The following FSTL5 variants were observed in gnomAD, a reference collection of about 807,000 sequenced individuals.
FSTL5 encodes follistatin-related protein 5.
FSTL5 carries 62 observed loss-of-function variants against 89.1 expected under a neutral mutation model. That is an observed-to-expected ratio of 0.70 (90% CI 0.57 to 0.86). FSTL5 has a LOEUF of 0.86. FSTL5 is among the 40% of genes least tolerant of loss of function. FSTL5 has a pLI of 0.00. For synonymous variants in FSTL5, 383 were observed against 346.2 expected, an observed-to-expected ratio of 1.11 and a Z score of -1.18; for missense variants, 1,057 against 1,001.6, an observed-to-expected ratio of 1.06 and a Z score of -0.75.
intron 3 of FSTL5, among the ~76,000 whole-genome samples, chr4:161,943,884 A>G (rs1473294446): frequency 6.6e-6 from 1 of 151,908 alleles, no homozygotes; most frequent in African/African-American, 2.4e-5. Context: ...CCTGCTCTGT[A>G]AATATATTAT....
intron 1 of FSTL5, among the ~76,000 whole-genome samples, chr4:162,116,485 C>T (rs892718998): frequency 6.6e-6 from 1 of 152,128 alleles, no homozygotes; most frequent in African/African-American, 2.4e-5. Flanking sequence ...CATGCAAGAC[C>T]CCAGAGAAGT....
At chr4:161,705,664 T>G (rs1255163534) in intron 6 of FSTL5, among the ~76,000 whole-genome samples, 4 of 151,954 alleles carry the variant, frequency 2.6e-5, no homozygotes, top group African/African-American at 9.6e-5. Flanking sequence ...TTTCTTAATT[T>G]CAGTTTGCTC....
intron 4 of FSTL5, among the ~76,000 whole-genome samples, chr4:161,824,951 G>A (rs1264026141): frequency 6.6e-6 from 1 of 152,102 alleles, no homozygotes; most frequent in African/African-American, 2.4e-5. Context: ...TGGGGAGAGT[G>A]GGCATTCTTG....
intron 12 of FSTL5, among the ~76,000 whole-genome samples, chr4:161,486,016 C>T (rs1246425313): frequency 5.3e-5 from 8 of 151,728 alleles, no homozygotes; most frequent in Non-Finnish European, 8.8e-5. Flanking sequence ...CGGTGGTGCA[C>T]GCCTGTAATC....
chr4:162,086,502 A>G (rs1730327519), intron 2 of FSTL5, among the ~76,000 whole-genome samples: 1 of 151,938 alleles, frequency 6.6e-6, no homozygotes, highest in Admixed American at 6.6e-5. Flanking sequence ...TGAATATGTC[A>G]TGCACTACCG....
chr4:161,617,449 A>C (rs949203786), intron 7 of FSTL5, among the ~76,000 whole-genome samples: 6 of 152,174 alleles, frequency 3.9e-5, no homozygotes, highest in African/African-American at 1.4e-4. Context: ...ACAAAGATAA[A>C]ATAGAGATAG....
At chr4:161,936,861 AG>A (rs1206885012) in intron 3 of FSTL5, among the ~76,000 whole-genome samples, 4 of 152,134 alleles carry the variant, frequency 2.6e-5, no homozygotes, top group Non-Finnish European at 5.9e-5. Context: ...CTTAGCCATC[AG>A]GCAGATTATT....
intron 8 of FSTL5, among the ~76,000 whole-genome samples, chr4:161,560,539 A>C (rs957412951): frequency 6.6e-6 from 1 of 151,162 alleles, no homozygotes; most frequent in African/African-American, 2.4e-5. Flanking sequence ...CAAATGTACA[A>C]ATTTTTTATA....
At chr4:161,452,041 A>G (rs1391906040) in intron 15 of FSTL5, among the ~76,000 whole-genome samples, 1 of 152,194 alleles carries the variant, frequency 6.6e-6, no homozygotes, top group African/African-American at 2.4e-5. Flanking sequence ...AATTCAACAC[A>G]TGTTTCAGAC....
chr4:161,802,992 T>C (rs1335107494), intron 4 of FSTL5, among the ~76,000 whole-genome samples: 1 of 151,962 alleles, frequency 6.6e-6, no homozygotes, highest in Admixed American at 6.6e-5. Flanking sequence ...ATTGAGCTTT[T>C]TGGGATTCTG....
intron 7 of FSTL5, among the ~76,000 whole-genome samples, chr4:161,602,234 AGTG>A (rs1734271126): frequency 7.1e-6 from 1 of 140,608 alleles, no homozygotes. Flanking sequence ...AGAGTGAGAG[AGTG>A]AGAGAGAGGG....
intron 13 of FSTL5, among the ~76,000 whole-genome samples, chr4:161,476,659 T>A (rs1044247706): frequency 2.2e-4 from 34 of 152,206 alleles, no homozygotes; most frequent in African/African-American, 7.7e-4. Context: ...GCACTTGTTT[T>A]TGAATAAACT....
intron 2 of FSTL5, among the ~76,000 whole-genome samples, chr4:162,103,580 A>T (rs1731088317): frequency 6.6e-6 from 1 of 152,220 alleles, no homozygotes; most frequent in Admixed American, 6.5e-5. Context: ...CTTACATAGC[A>T]AAGTCTTGGA....
At chr4:161,968,346 A>AT (rs1735383058) in intron 3 of FSTL5, among the ~76,000 whole-genome samples, 1 of 152,060 alleles carries the variant, frequency 6.6e-6, no homozygotes, top group Non-Finnish European at 1.5e-5. Flanking sequence ...TATAAATGCA[A>AT]TGTCTTTAAA....
chr4:161,712,843 T>A (rs923852366), intron 6 of FSTL5, among the ~76,000 whole-genome samples: 3 of 152,084 alleles, frequency 2.0e-5, no homozygotes, highest in African/African-American at 7.2e-5. Flanking sequence ...CTCACCCCCC[T>A]CTCTCTCGTT....
chr4:161,399,966 A>T lies in FSTL5; in HGVS notation c.1842-13517T>A, dbSNP rs540860056. 2.6e-5 allele frequency among the ~76,000 whole-genome samples: 4 copies of T among 152,234 alleles called. No homozygotes were observed. The East Asian group carries it at 7.7e-4, about 29-fold the overall frequency. On this transcript the variant is annotated intron_variant, in intron 15 of 15. Coordinates refer to ENST00000306100, the MANE Select transcript of FSTL5 (RefSeq NM_020116.5). ...GCGATTGTGTGAATAAGTCTGGATA[A>T]ATGTTAACTTCTTATAATAGATTTG...
chr4:161,573,212 C>T (rs1489911175), intron 8 of FSTL5, among the ~76,000 whole-genome samples: 32 of 151,644 alleles, frequency 2.1e-4, no homozygotes. Flanking sequence ...GAGTTTCGGA[C>T]CAGCCTGGTG....
chr4:162,028,872 G>A (rs1315496117), intron 3 of FSTL5, among the ~76,000 whole-genome samples: 2 of 152,182 alleles, frequency 1.3e-5, no homozygotes, highest in East Asian at 3.9e-4. Flanking sequence ...TTTCTGACTG[G>A]CTACTTGACC....
At chr4:161,986,515 G>T (rs1735967771) in intron 3 of FSTL5, among the ~76,000 whole-genome samples, 1 of 152,146 alleles carries the variant, frequency 6.6e-6, no homozygotes, top group Non-Finnish European at 1.5e-5. Flanking sequence ...TTGTGCCACT[G>T]CACTCTAGCC....
Sources: gnomAD v4.1 joint callset for allele counts (sites outside exome capture counted in the v4.1 genomes callset) on GRCh38, gnomAD v4.1.1 for gene constraint, MANE v1.5 for transcripts, NCBI Gene and HGNC (gene_info 2026-07-23, HGNC 2026-07-21) for gene names.